Variants in AGO3 observed in about 807,000 individuals in gnomAD.
AGO3 encodes the protein argonaute RISC catalytic component 3.
A neutral mutation model predicts 105.5 loss-of-function variants in AGO3; 16 were observed. That is an observed-to-expected ratio of 0.15 (90% confidence interval 0.10 to 0.23). The LOEUF is 0.23. Among genes scored for constraint, AGO3 ranks in the 10% least tolerant of loss-of-function variants. AGO3 has a pLI of 1.00. For synonymous variants in AGO3, 340 were observed against 367.3 expected, an observed-to-expected ratio of 0.93 and a Z score of 0.85; for missense variants, 534 against 1,088.0, an observed-to-expected ratio of 0.49 and a Z score of 7.16.
At chr1:36,000,511 G>A (rs938655238) in intron 5 of AGO3, among the ~76,000 whole-genome samples, 4 of 152,096 alleles carry the variant, frequency 2.6e-5, no homozygotes, top group Non-Finnish European at 4.4e-5. Flanking sequence ...CAACTTTGTG[G>A]TATCTGAAAT....
rs141027098 is a variant in AGO3 at position 35,940,425 on chromosome 1, T to C, written c.20-5267T>C. On this transcript the variant is annotated intron_variant, in intron 1 of 18. Transcript: ENST00000373191. ...TTCTACACATTGTGATTGATCGATA[T>C]GTCTTTTAAGTGTCTTAATCGGTAA... Among the ~76,000 whole-genome samples the C allele has an allele frequency of 1.4e-3, 219 of 152,366 alleles. 1 individual carries two copies. The highest frequency in any genetic ancestry group is 5.1e-3 in the African/African-American group (210 of 41,582).
At chr1:35,984,317 A>G (rs1647119987) in intron 5 of AGO3, among the ~76,000 whole-genome samples, 1 of 152,248 alleles carries the variant, frequency 6.6e-6, no homozygotes, top group African/African-American at 2.4e-5. Context: ...CCTGGGCAAC[A>G]GAGTGAGACC....
rs1033793004 is a variant in AGO3 at position 36,067,392 on chromosome 1, G to A, written c.*11647G>A. 1 of 152,104 alleles carries A rather than the reference G, an allele frequency of 6.6e-6. No individual in the cohort carries two copies. Among genetic ancestry groups the A allele is most frequent in the Non-Finnish European group, 1.5e-5 (1 of 68,050 alleles). 9.4% of individuals were successfully genotyped at this position (152,104 alleles called of 1,614,324 possible). ...GAGCTTTCTCATTTCTTAGCCCAGGGTCCAACCCCATTCCCTCTTTAAAAA... is the reference window on the plus strand; with the variant it reads ...GAGCTTTCTCATTTCTTAGCCCAGGATCCAACCCCATTCCCTCTTTAAAAA... On this transcript the variant is annotated 3_prime_UTR_variant, in exon 19 of 19. Transcript: ENST00000373191.
chr1:36,054,234 A>C (rs962813039), intron 17 of AGO3, among the ~76,000 whole-genome samples: 1 of 152,142 alleles, frequency 6.6e-6, no homozygotes, highest in South Asian at 2.1e-4. Context: ...TTCTTTATAC[A>C]TCTTCCCAGC....
At position 36,006,484 on chromosome 1, in the gene AGO3, A is replaced by AT. The variant is rs538237911; in HGVS notation, c.793+2016dup. On this transcript the variant is annotated intron_variant, in intron 6 of 18. Transcript: ENST00000373191. ...TATAGGCTTGGAGAACCTTATTAAT[A>AT]TTTTTTTAATTCAAGGGGAAGAGTT... 3.8e-3 allele frequency among the ~76,000 whole-genome samples: 571 copies of AT among 152,146 alleles called. 5 individuals carry two copies. Among genetic ancestry groups the AT allele is most frequent in the African/African-American group, 0.013 (549 of 41,520 alleles).
At chr1:35,990,590 T>G (rs1249584051) in intron 5 of AGO3, among the ~76,000 whole-genome samples, 1 of 152,228 alleles carries the variant, frequency 6.6e-6, no homozygotes, top group African/African-American at 2.4e-5. Flanking sequence ...ATTTTGCTTT[T>G]AGTAAAAAGT....
intron 5 of AGO3, among the ~76,000 whole-genome samples, chr1:36,002,222 T>C (rs1640119286): frequency 6.6e-6 from 1 of 151,838 alleles, no homozygotes; most frequent in African/African-American, 2.4e-5. Context: ...GGTTTCACCA[T>C]GTTGGCCAGG....
At chr1:35,954,576 G>A (rs533363599) in intron 2 of AGO3, among the ~76,000 whole-genome samples, 1 of 152,252 alleles carries the variant, frequency 6.6e-6, no homozygotes, top group South Asian at 2.1e-4. Flanking sequence ...TAGATTTACA[G>A]GATATACGGA....
At chr1:35,934,083 A>T (rs1227532785) in intron 1 of AGO3, among the ~76,000 whole-genome samples, 1 of 152,214 alleles carries the variant, frequency 6.6e-6, no homozygotes, top group Non-Finnish European at 1.5e-5. Context: ...GGAACATCTG[A>T]TGAAACACCG....
chr1:35,972,754 C>T (rs897497785), intron 4 of AGO3, among the ~76,000 whole-genome samples: 3 of 151,882 alleles, frequency 2.0e-5, no homozygotes, highest in Non-Finnish European at 2.9e-5. Flanking sequence ...TCATGGTTCA[C>T]TGCAGCCTCA....
chr1:35,938,137 C>T (rs549289053), intron 1 of AGO3, among the ~76,000 whole-genome samples: 3 of 151,828 alleles, frequency 2.0e-5, no homozygotes, highest in African/African-American at 7.3e-5. Flanking sequence ...CCCGCCACCA[C>T]GTCCAGCTAA....
chr1:35,987,940 C>T (rs1329135068), intron 5 of AGO3, among the ~76,000 whole-genome samples: 1 of 151,454 alleles, frequency 6.6e-6, no homozygotes, highest in Admixed American at 6.6e-5. Context: ...TGGTGGCGCA[C>T]ACCTGTAATC....
At chr1:36,033,409 G>A (rs1400805815) in intron 12 of AGO3, among the ~76,000 whole-genome samples, 14 of 151,810 alleles carry the variant, frequency 9.2e-5, no homozygotes, top group Admixed American at 9.2e-4. Context: ...GGAGGCTGGA[G>A]CAGGAGGATC....
intron 2 of AGO3, among the ~76,000 whole-genome samples, chr1:35,960,095 G>A (rs1646646818): frequency 6.6e-6 from 1 of 151,800 alleles, no homozygotes; most frequent in Non-Finnish European, 1.5e-5. Flanking sequence ...TATTTTAAAG[G>A]TTTCTCAGGT....
chr1:35,983,388 A>G (rs1212257152), intron 5 of AGO3: 3 of 148,910 alleles, frequency 2.0e-5, no homozygotes, highest in African/African-American at 7.4e-5. Flanking sequence ...GCTGAACAAC[A>G]TAGTGAGACC....
Position 35,963,794 on chromosome 1 carries a change from C to G in AGO3, c.192-3161C>G, listed in dbSNP as rs375087719. 1.1e-4 allele frequency among the ~76,000 whole-genome samples: 17 copies of G among 152,260 alleles called. No individual in the cohort carries two copies. The East Asian group carries it at 1.5e-3, about 14-fold the overall frequency. On this transcript the variant is annotated intron_variant, in intron 2 of 18. Transcript: ENST00000373191. The stretch of plus-strand genomic sequence containing the variant: ...AAGTAAAGGACTAGTATAAGAAATA[C>G]TGCAAAGACGTGGTGTCAACAACCA...
chr1:35,955,699 A>G (rs371825644), intron 2 of AGO3, among the ~76,000 whole-genome samples: 88 of 151,968 alleles, frequency 5.8e-4, no homozygotes, highest in African/African-American at 1.7e-3. Context: ...GGCCCGAGCA[A>G]TCCTCCCACC....
chr1:35,965,218 G>T (rs892915069), intron 2 of AGO3, among the ~76,000 whole-genome samples: 1 of 151,958 alleles, frequency 6.6e-6, no homozygotes, highest in African/African-American at 2.4e-5. Flanking sequence ...TTGGCTGGGC[G>T]CAGTGGCTCA....
At chr1:35,995,207 A>ATATATATATATAT (rs1224450213) in intron 5 of AGO3, among the ~76,000 whole-genome samples, 2 of 106,476 alleles carry the variant, frequency 1.9e-5, no homozygotes, top group African/African-American at 9.3e-5. Flanking sequence ...TCTAAAAAAA[A>ATATATATATATAT]AAATATATAT....
Sources: gnomAD v4.1 joint callset for allele counts (sites outside exome capture counted in the v4.1 genomes callset) on GRCh38, gnomAD v4.1.1 for gene constraint, MANE v1.5 for transcripts, NCBI Gene and HGNC (gene_info 2026-07-23, HGNC 2026-07-21) for gene names.